CDH3: variants seen among roughly 807,000 people sequenced by gnomAD.
CDH3 encodes cadherin-3.
In CDH3, 54 loss-of-function variants were observed where a neutral mutation model predicts 82.0. The observed-to-expected ratio is 0.66, with a 90% CI of 0.53 to 0.83. The LOEUF (loss-of-function observed/expected upper bound fraction) is 0.83. Among genes scored for constraint, CDH3 ranks in the 40% least tolerant of loss-of-function variants. CDH3 has a pLI of 0.00. For synonymous variants in CDH3, 446 were observed against 437.9 expected (o/e 1.02, Z -0.23); for missense variants, 1,054 against 1,084.6 (o/e 0.97, Z 0.40).
chr16:68,675,793 GAA>G (rs571278010), intron 2 of CDH3, among the ~76,000 whole-genome samples: 10 of 110,588 alleles, frequency 9.0e-5, no homozygotes, highest in African/African-American at 1.0e-4. Flanking sequence ...ACTCTGCCTC[GAA>G]AAAAAAAAAA....
intron 2 of CDH3, among the ~76,000 whole-genome samples, chr16:68,661,934 GC>G (rs1418102523): frequency 5.9e-5 from 9 of 152,294 alleles, no homozygotes; most frequent in African/African-American, 1.7e-4. Context: ...CAGGTGATCT[GC>G]CCGTCTCAGC....
chr16:68,668,406 G>A (rs190617607), intron 2 of CDH3, among the ~76,000 whole-genome samples: 18 of 152,274 alleles, frequency 1.2e-4, no homozygotes, highest in Admixed American at 5.2e-4. Flanking sequence ...ACCTGGTTTC[G>A]TATCAGTTTC....
chr16:68,658,567 C>T (rs905046110), intron 2 of CDH3, among the ~76,000 whole-genome samples: 2 of 151,982 alleles, frequency 1.3e-5, no homozygotes, highest in Admixed American at 6.6e-5. Flanking sequence ...GCCTTCTGAG[C>T]GGCCTTTGCA....
chr16:68,675,887 G>A (rs1961020785), intron 2 of CDH3, among the ~76,000 whole-genome samples: 1 of 152,154 alleles, frequency 6.6e-6, no homozygotes, highest in Non-Finnish European at 1.5e-5. Context: ...GCTGGTGAAT[G>A]GTGGTTACTA....
intron 2 of CDH3, among the ~76,000 whole-genome samples, chr16:68,666,519 C>T (rs931125465): frequency 6.6e-6 from 1 of 152,086 alleles, no homozygotes; most frequent in African/African-American, 2.4e-5. Context: ...AGCCTCTTCC[C>T]CCCACCCCAC....
chr16:68,706,773 C>T (rs1044649012), intron 1 of CDH3, among the ~76,000 whole-genome samples: 2 of 151,848 alleles, frequency 1.3e-5, no homozygotes, highest in Non-Finnish European at 2.9e-5. Flanking sequence ...AGGCTGGTCT[C>T]GAACTCTTGA....
intron 3 of CDH3, among the ~76,000 whole-genome samples, chr16:68,676,746 C>T (rs1567446987): frequency 6.6e-6 from 1 of 152,180 alleles, no homozygotes; most frequent in Non-Finnish European, 1.5e-5. Context: ...CCCTCGGATT[C>T]CCTCTCCCAC....
chr16:68,732,717 C>G, the CDH3 span, among the ~76,000 whole-genome samples: 4 of 152,206 alleles, frequency 2.6e-5, no homozygotes, highest in Non-Finnish European at 5.9e-5. Context: ...ATCACCTGCA[C>G]GGACAGGTTT....
chr16:68,725,474 C>T (rs905287396), intron 2 of CDH3, among the ~76,000 whole-genome samples: 1 of 151,936 alleles, frequency 6.6e-6, no homozygotes, highest in Non-Finnish European at 1.5e-5. Context: ...GCTGGGACTA[C>T]AGGCGCCCGC....
chr16:68,656,440 T>TCAC (rs574179461), intron 2 of CDH3, among the ~76,000 whole-genome samples: 36 of 152,106 alleles, frequency 2.4e-4, no homozygotes, highest in Non-Finnish European at 4.6e-4. Flanking sequence ...CTGTGAAAAC[T>TCAC]CACCACCACC....
At chr16:68,716,360 C>T (rs1418581457) in intron 1 of CDH3, among the ~76,000 whole-genome samples, 1 of 152,026 alleles carries the variant, frequency 6.6e-6, no homozygotes, top group African/African-American at 2.4e-5. Context: ...GTGGCTCACT[C>T]CTGTAATCCC....
At chr16:68,678,974 C>G in intron 6 of CDH3, 68 bp downstream of exon 6, 1 of 1,508,952 alleles carries the variant, frequency 6.6e-7, no homozygotes, top group Non-Finnish European at 9.2e-7. Context: ...AAGATCCCAC[C>G]ATACCTGATT....
the CDH3 span, among the ~76,000 whole-genome samples, chr16:68,732,735 G>C: frequency 6.6e-6 from 1 of 152,216 alleles, no homozygotes; most frequent in African/African-American, 2.4e-5. Flanking sequence ...TTTGTGTACA[G>C]TCTCAGGGGA....
At chr16:68,721,100 C>T (rs530654010) in intron 1 of CDH3, among the ~76,000 whole-genome samples, 2 of 152,166 alleles carry the variant, frequency 1.3e-5, no homozygotes, top group Non-Finnish European at 1.5e-5. Context: ...GTATTTGATC[C>T]AGCCCTCTCA....
At chr16:68,649,287 G>A (rs973162319) in intron 2 of CDH3, among the ~76,000 whole-genome samples, 5 of 152,188 alleles carry the variant, frequency 3.3e-5, no homozygotes, top group Admixed American at 1.3e-4. Flanking sequence ...TCAGCTTTGG[G>A]AGGAAGCTTC....
downstream of CDH3, among the ~76,000 whole-genome samples, chr16:68,703,295 G>A (rs990501896): frequency 6.6e-6 from 1 of 152,134 alleles, no homozygotes; most frequent in South Asian, 2.1e-4. Flanking sequence ...CCATTTCTAG[G>A]CATGGACCTC....
downstream of CDH3, among the ~76,000 whole-genome samples, chr16:68,705,078 TGAGA>T (rs1237469468): frequency 6.6e-6 from 1 of 151,580 alleles, no homozygotes; most frequent in Middle Eastern, 3.4e-3. Flanking sequence ...AACGAAAAAA[TGAGA>T]GAGAGGTTAA....
chr16:68,689,723 A>G (rs1961512668), intron 12 of CDH3, among the ~76,000 whole-genome samples: 1 of 152,012 alleles, frequency 6.6e-6, no homozygotes, highest in South Asian at 2.1e-4. Context: ...GCCTCCTGGC[A>G]CTAAATGGGG....
the CDH3 span, among the ~76,000 whole-genome samples, chr16:68,733,761 C>T: frequency 6.6e-6 from 1 of 152,058 alleles, no homozygotes; most frequent in Non-Finnish European, 1.5e-5. Context: ...AAATAGGAAA[C>T]AGAGAAGCAA....
Sources: gnomAD v4.1 joint callset for allele counts (sites outside exome capture counted in the v4.1 genomes callset) on GRCh38, gnomAD v4.1.1 for gene constraint, MANE v1.5 for transcripts, NCBI Gene and HGNC (gene_info 2026-07-23, HGNC 2026-07-21) for gene names.